ZNF705G: variants seen among roughly 807,000 people sequenced by gnomAD.
ZNF705G encodes the protein putative zinc finger protein 705G.
In ZNF705G, 23 loss-of-function variants were observed where a neutral mutation model predicts 19.6. That is an observed-to-expected ratio of 1.17 (90% CI 0.84 to 1.66). The LOEUF (loss-of-function observed/expected upper bound fraction) is 1.66, where lower values mean the gene tolerates loss of function less well. Among genes scored for constraint, ZNF705G ranks in the 40% most tolerant of loss-of-function variants. The pLI, the probability that ZNF705G is intolerant of heterozygous loss-of-function variation, is 0.00. For missense variants in ZNF705G, 457 were observed against 354.4 expected, an observed-to-expected ratio of 1.29 and a Z score of -2.32; for synonymous variants, 146 against 117.7, an observed-to-expected ratio of 1.24 and a Z score of -1.56.
chr8:7,368,488 CATG>C (rs1248574333), intron 2 of ZNF705G, among the ~76,000 whole-genome samples: 27 of 149,254 alleles, frequency 1.8e-4, no homozygotes, highest in Non-Finnish European at 3.2e-4. Flanking sequence ...TTTCAATGTT[CATG>C]ATGATGTAAA....
chr8:7,356,336 T>A lies in ZNF705G; in HGVS notation c.*1640A>T, dbSNP rs1251089217. 3 of 149,554 alleles carry A rather than the reference T, an allele frequency of 2.0e-5. No homozygotes were observed. The highest frequency in any genetic ancestry group is 4.4e-5 in the Non-Finnish European group (3 of 68,142). 9.3% of individuals were successfully genotyped at this position (149,554 alleles called of 1,614,324 possible). A position where few individuals can be genotyped will look rare whatever the true frequency, so the allele number is the denominator to read the frequency against. On this transcript the variant is annotated 3_prime_UTR_variant, in exon 7 of 7. Coordinates refer to ENST00000400156, the MANE Select transcript of ZNF705G (RefSeq NM_001164457.3). ...ACTCAGGACTTACCAGAATAAAATG[T>A]GGGGTGTTATGAGATGAACTGCTAC...
At chr8:7,382,268 G>A (rs1401202367) in intron 1 of ZNF705G, among the ~76,000 whole-genome samples, 17 of 148,512 alleles carry the variant, frequency 1.1e-4, no homozygotes, top group Non-Finnish European at 2.4e-4. Context: ...ATTATGGCAT[G>A]GCTGTAACCT....
intron 2 of ZNF705G, among the ~76,000 whole-genome samples, chr8:7,366,477 A>G (rs1486071145): frequency 4.7e-5 from 7 of 149,674 alleles, no homozygotes; most frequent in Admixed American, 3.9e-4. Flanking sequence ...ATAAAATTAA[A>G]TTAAAATACA....
chr8:7,359,902 G>C (rs1302151878), intron 5 of ZNF705G, among the ~76,000 whole-genome samples: 1 of 149,528 alleles, frequency 6.7e-6, no homozygotes, highest in African/African-American at 2.6e-5. Flanking sequence ...AATGTGAAAA[G>C]AGTTAAAATG....
chr8:7,358,222 C>T lies in ZNF705G; in HGVS notation c.657G>A (p.Glu219=). The change falls in exon 7 of 7, where the codon GAG becomes GAA. Residue 219 remains glutamate (E), a synonymous_variant. Transcript: ENST00000400156. ...FTQCSHLRRH[E]KTHTGQRPYK... ...ATGGTCTCTGTCCCGTGTGAGTTTT[C>T]TCGTGTCTTCTAAGGTGAGAACACT... 3 of 1,607,606 alleles carry T rather than the reference C, an allele frequency of 1.9e-6. No individual in the cohort carries two copies. Among genetic ancestry groups the T allele is most frequent in the Non-Finnish European group, 2.5e-6 (3 of 1,179,618 alleles).
chr8:7,369,454 G>A (rs3958828), intron 2 of ZNF705G, among the ~76,000 whole-genome samples: 6 of 149,578 alleles, frequency 4.0e-5, no homozygotes, highest in Non-Finnish European at 5.9e-5. Flanking sequence ...CTCCAGACCC[G>A]AGAATGGTAG....
Position 7,361,364 on chromosome 8 carries a change from C to A in ZNF705G, c.13-128G>T. The A allele has an allele frequency of 4.0e-6, 6 of 1,509,138 alleles. No homozygotes were observed. In the East Asian group the frequency reaches 1.4e-4, roughly 34 times the overall value. The allele number at this position is 1,509,138 out of a possible 1,614,324, so 93.5% of individuals were successfully genotyped here. A position where few individuals can be genotyped will look rare whatever the true frequency, so the allele number is the denominator to read the frequency against. On this transcript the variant is annotated intron_variant, in intron 3 of 6. Coordinates refer to ENST00000400156, the MANE Select transcript of ZNF705G (RefSeq NM_001164457.3). Reference sequence around the variant, plus strand: ...TCAGTGTTTTGGGTTCCAGCCAGTTCATTCTCAGTACTAAGCTGGTATCTG... The same window carrying A: ...TCAGTGTTTTGGGTTCCAGCCAGTTAATTCTCAGTACTAAGCTGGTATCTG...
chr8:7,369,627 G>A lies in ZNF705G; in HGVS notation c.-71-6610C>T, dbSNP rs1459590496. Among the ~76,000 whole-genome samples the A allele has an allele frequency of 6.0e-5, 9 of 149,682 alleles. 1 individual carries two copies. Among genetic ancestry groups the A allele is most frequent in the Non-Finnish European group, 8.8e-5 (6 of 68,024 alleles). ...ATTTATTATAGCATTATTTGCAATA[G>A]CAAAGACATGGAATCAACCTAGATG... On this transcript the variant is annotated intron_variant, in intron 2 of 6. Coordinates refer to ENST00000400156, the MANE Select transcript of ZNF705G (RefSeq NM_001164457.3).
At chr8:7,364,495 A>T (rs201986404) in intron 2 of ZNF705G, among the ~76,000 whole-genome samples, 2 of 149,632 alleles carry the variant, frequency 1.3e-5, no homozygotes, top group East Asian at 3.9e-4. Flanking sequence ...TGATCAACAG[A>T]GTTTGAAAAA....
chr8:7,367,174 G>C (rs1806894739), intron 2 of ZNF705G, among the ~76,000 whole-genome samples: 1 of 149,474 alleles, frequency 6.7e-6, no homozygotes, highest in South Asian at 2.1e-4. Flanking sequence ...ATGCTGCCTT[G>C]ATGGGACAAA....
chr8:7,381,965 A>C (rs1762221580), intron 1 of ZNF705G, among the ~76,000 whole-genome samples: 1 of 152,204 alleles, frequency 6.6e-6, no homozygotes, highest in African/African-American at 2.4e-5. Context: ...ACTAATACTT[A>C]AATCCAGAAG....
intron 2 of ZNF705G, among the ~76,000 whole-genome samples, chr8:7,376,743 G>A (rs1807255371): frequency 6.7e-6 from 1 of 150,272 alleles, no homozygotes; most frequent in Non-Finnish European, 1.5e-5. Context: ...ATATATTTAT[G>A]TATTAAACAC....
intron 2 of ZNF705G, among the ~76,000 whole-genome samples, chr8:7,366,229 T>C (rs1293690923): frequency 1.3e-5 from 2 of 148,526 alleles, no homozygotes; most frequent in Admixed American, 1.3e-4. Context: ...CTTGACAGGA[T>C]TGCAAGCCTC....
chr8:7,383,092 T>C (rs1807572277), intron 1 of ZNF705G, among the ~76,000 whole-genome samples: 1 of 148,412 alleles, frequency 6.7e-6, no homozygotes, highest in Non-Finnish European at 1.5e-5. Context: ...TAAATGGAAA[T>C]TACATTTTTT....
intron 2 of ZNF705G, among the ~76,000 whole-genome samples, chr8:7,369,930 T>C (rs1002631886): frequency 1.3e-5 from 2 of 149,144 alleles, no homozygotes; most frequent in South Asian, 2.1e-4. Context: ...AAACTATCTA[T>C]TGGGTATTAT....
chr8:7,359,144 C>A (rs182352338), intron 6 of ZNF705G, among the ~76,000 whole-genome samples: 3 of 149,598 alleles, frequency 2.0e-5, no homozygotes, highest in Non-Finnish European at 1.5e-5. Flanking sequence ...CAATATCCCA[C>A]CCTTTCCCCT....
rs184936178 is a variant in ZNF705G, at chr8:7,358,690, T to G, written c.319-130A>C. On this transcript the variant is annotated intron_variant, in intron 6 of 6. Transcript: ENST00000400156. ...GTTGAAAGCTTTCCAATGTTTCTTG[T>G]GTGAAAGGAAATTAAATTTTGGGAC... The G allele has an allele frequency of 4.8e-3, 6,970 of 1,456,378 alleles. 34 individuals carry two copies. The highest frequency in any genetic ancestry group is 5.7e-3 in the Non-Finnish European group (6,181 of 1,089,074). 90.2% of individuals were successfully genotyped at this position (1,456,378 alleles called of 1,614,324 possible).
chr8:7,368,470 A>G (rs1806959579), intron 2 of ZNF705G, among the ~76,000 whole-genome samples: 1 of 149,528 alleles, frequency 6.7e-6, no homozygotes, highest in South Asian at 2.1e-4. Context: ...GCGAATAGAT[A>G]TAAAAAGTTT....
At chr8:7,379,360 A>G (rs189960489) in intron 2 of ZNF705G, among the ~76,000 whole-genome samples, 1 of 147,392 alleles carries the variant, frequency 6.8e-6, no homozygotes, top group Admixed American at 6.6e-5. Flanking sequence ...ACTATATAAC[A>G]TTTATTTCTT....
Sources: allele counts gnomAD v4.1 joint callset (sites outside exome capture counted in the v4.1 genomes callset), GRCh38; gene constraint gnomAD v4.1.1; transcripts MANE v1.5; gene names NCBI Gene and HGNC (gene_info 2026-07-23, HGNC 2026-07-21).